GPC6: variants seen among roughly 807,000 people sequenced by gnomAD.
GPC6 encodes glypican 6.
A neutral mutation model predicts 55.2 loss-of-function variants in GPC6; 14 were observed. That is an observed-to-expected ratio of 0.25 (90% CI 0.17 to 0.40). The LOEUF (loss-of-function observed/expected upper bound fraction) is 0.40, where lower values mean the gene tolerates loss of function less well. Among genes scored for constraint, GPC6 ranks in the 10% least tolerant of loss-of-function variants. GPC6 has a pLI of 1.00. For missense variants in GPC6, 641 were observed against 708.5 expected, an observed-to-expected ratio of 0.90 and a Z score of 1.08; for synonymous variants, 278 against 259.6, an observed-to-expected ratio of 1.07 and a Z score of -0.68.
chr13:94,181,711 T>C (rs960597984), intron 4 of GPC6, among the ~76,000 whole-genome samples: 3 of 152,230 alleles, frequency 2.0e-5, no homozygotes, highest in African/African-American at 7.2e-5. Context: ...TCAGAGTCAT[T>C]AATAAATGTG....
At chr13:93,687,177 G>A (rs562187455) in intron 2 of GPC6, among the ~76,000 whole-genome samples, 7 of 152,124 alleles carry the variant, frequency 4.6e-5, no homozygotes, top group Non-Finnish European at 8.8e-5. Flanking sequence ...CTTGTCTAAT[G>A]TGTGTACTGA....
chr13:93,758,659 A>G (rs9524197), intron 2 of GPC6, among the ~76,000 whole-genome samples: 144,937 of 151,466 alleles, frequency 0.96, 69,380 homozygotes, highest in African/African-American at 0.98. Context: ...CCTTCTTAAG[A>G]ATGCCAAGGG....
At position 93,378,668 on chromosome 13, in the gene GPC6, A is replaced by G. The variant is rs75363334; in HGVS notation, c.160+151052A>G. On this transcript the variant is annotated intron_variant, in intron 1 of 8. Coordinates refer to ENST00000377047, the MANE Select transcript of GPC6 (RefSeq NM_005708.5). ...TGATCTTGACATAAAATCCTTAGATATGTCACTTCACCTATCCTTATTGTT... is the reference window on the plus strand; with the variant it reads ...TGATCTTGACATAAAATCCTTAGATGTGTCACTTCACCTATCCTTATTGTT... Among the ~76,000 whole-genome samples the G allele has an allele frequency of 2.5e-3, 378 of 152,264 alleles. 5 individuals are homozygous for G. Among genetic ancestry groups the G allele is most frequent in the East Asian group, 0.015 (75 of 5,166 alleles).
chr13:93,236,531 C>G (rs1457809525), intron 1 of GPC6, among the ~76,000 whole-genome samples: 1 of 152,184 alleles, frequency 6.6e-6, no homozygotes, highest in Non-Finnish European at 1.5e-5. Flanking sequence ...ACTGCCTGCG[C>G]TCTGCCTCCT....
At chr13:93,232,512 G>A (rs1876095310) in intron 1 of GPC6, among the ~76,000 whole-genome samples, 1 of 152,106 alleles carries the variant, frequency 6.6e-6, no homozygotes, top group East Asian at 1.9e-4. Flanking sequence ...TTTAATTAGA[G>A]GATAATATGT....
chr13:93,835,476 A>C (rs1594504963), intron 3 of GPC6, among the ~76,000 whole-genome samples: 1 of 152,144 alleles, frequency 6.6e-6, no homozygotes, highest in East Asian at 2.0e-4. Context: ...ACTTCTGGCC[A>C]GGCGCAGGGC....
chr13:93,994,999 A>G (rs757646807), intron 3 of GPC6, among the ~76,000 whole-genome samples: 10 of 152,094 alleles, frequency 6.6e-5, no homozygotes, highest in Non-Finnish European at 8.8e-5. Context: ...AATATCTTCT[A>G]TATACCTGTT....
chr13:93,960,523 A>G (rs1879718860), intron 3 of GPC6, among the ~76,000 whole-genome samples: 1 of 152,200 alleles, frequency 6.6e-6, no homozygotes, highest in Non-Finnish European at 1.5e-5. Context: ...GAGTTACCAG[A>G]GAGTTGGAGT....
chr13:93,593,097 G>A (rs538319820), intron 2 of GPC6, among the ~76,000 whole-genome samples: 59 of 152,002 alleles, frequency 3.9e-4, no homozygotes, highest in African/African-American at 1.3e-3. Context: ...ATAAATGCCC[G>A]CTAAATTTTC....
chr13:93,521,610 A>G (rs186032027), intron 1 of GPC6, among the ~76,000 whole-genome samples: 2 of 152,056 alleles, frequency 1.3e-5, no homozygotes, highest in Admixed American at 1.3e-4. Flanking sequence ...ATGGGCTTCC[A>G]TGGCTCTTCA....
At chr13:94,258,702 T>C (rs1172199015) in intron 4 of GPC6, among the ~76,000 whole-genome samples, 2 of 152,242 alleles carry the variant, frequency 1.3e-5, no homozygotes, top group African/African-American at 2.4e-5. Flanking sequence ...CACTGAACTA[T>C]GTCCATTCAC....
chr13:94,324,991 A>G (rs1255348539), intron 6 of GPC6, among the ~76,000 whole-genome samples: 2 of 152,164 alleles, frequency 1.3e-5, no homozygotes, highest in Non-Finnish European at 2.9e-5. Context: ...TAACGTTAGA[A>G]TCCTCGTGGT....
intron 3 of GPC6, among the ~76,000 whole-genome samples, chr13:93,997,905 A>G (rs1881630278): frequency 6.6e-6 from 1 of 152,208 alleles, no homozygotes; most frequent in Non-Finnish European, 1.5e-5. Context: ...CATGGTTACA[A>G]TGATGAGTCC....
At chr13:93,284,868 T>C (rs987464767) in intron 1 of GPC6, among the ~76,000 whole-genome samples, 2 of 152,124 alleles carry the variant, frequency 1.3e-5, no homozygotes, top group Non-Finnish European at 2.9e-5. Context: ...TAGAGGATAA[T>C]GTAGAGTCTT....
intron 4 of GPC6, among the ~76,000 whole-genome samples, chr13:94,233,972 T>C (rs1171420251): frequency 6.6e-6 from 1 of 152,148 alleles, no homozygotes; most frequent in Non-Finnish European, 1.5e-5. Context: ...GTACGTCTTC[T>C]AGCAGAGGAC....
At chr13:94,077,236 A>T (rs1884947547) in intron 4 of GPC6, among the ~76,000 whole-genome samples, 1 of 151,330 alleles carries the variant, frequency 6.6e-6, no homozygotes, top group South Asian at 2.1e-4. Context: ...TATTTTTTTG[A>T]TGCTATTGTT....
intron 5 of GPC6, 95 bp downstream of exon 5, chr13:94,286,574 A>G (rs1409761016): frequency 4.6e-6 from 5 of 1,082,602 alleles, no homozygotes; most frequent in Non-Finnish European, 7.0e-6. Context: ...CTGGGCTTAT[A>G]AATTCTAATA....
chr13:93,905,572 T>G (rs777998649), intron 3 of GPC6, among the ~76,000 whole-genome samples: 1 of 152,230 alleles, frequency 6.6e-6, no homozygotes, highest in Non-Finnish European at 1.5e-5. Flanking sequence ...TCTATCTGAT[T>G]CTGCATAAAG....
the GPC6 span, among the ~76,000 whole-genome samples, chr13:93,221,245 G>A: frequency 6.6e-6 from 1 of 152,130 alleles, no homozygotes; most frequent in Non-Finnish European, 1.5e-5. Context: ...AGGTAACGAT[G>A]AGTAAATCTT....
Sources: allele counts gnomAD v4.1 joint callset (sites outside exome capture counted in the v4.1 genomes callset), GRCh38; gene constraint gnomAD v4.1.1; transcripts MANE v1.5; gene names NCBI Gene and HGNC (gene_info 2026-07-23, HGNC 2026-07-21).